Variants in IL31RA observed in about 807,000 individuals in gnomAD.
The protein encoded by IL31RA is interleukin 31 receptor A, also known as interleukin-31 receptor subunit alpha.
In IL31RA, 66 loss-of-function variants were observed where a neutral mutation model predicts 83.7. The ratio of observed to expected loss-of-function variants is 0.79; its 90% CI spans 0.65 to 0.97. The LOEUF is 0.97. Among genes scored for constraint, IL31RA ranks in the 50% least tolerant of loss-of-function variants. The pLI is 0.00. For synonymous variants in IL31RA, 325 were observed against 329.0 expected (o/e 0.99, Z 0.13); for missense variants, 798 against 919.4 (o/e 0.87, Z 1.71).
intron 11 of IL31RA, among the ~76,000 whole-genome samples, chr5:55,909,321 G>A (rs1216270895): frequency 6.6e-6 from 1 of 152,100 alleles, no homozygotes; most frequent in Admixed American, 6.5e-5. Flanking sequence ...CAACCTTTAG[G>A]CTATTGTGAA....
chr5:55,916,553 G>C, intron 14 of IL31RA, 91 bp from the exon 15 acceptor site: 1 of 1,058,868 alleles, frequency 9.4e-7, no homozygotes. Context: ...TTCCAGAGAT[G>C]GGCATTTGCT....
chr5:55,883,434 A>G (rs1403828889), intron 5 of IL31RA, among the ~76,000 whole-genome samples: 1 of 152,106 alleles, frequency 6.6e-6, no homozygotes, highest in East Asian at 1.9e-4. Flanking sequence ...AGAGTGAGAA[A>G]TTTACTTCTG....
intron 4 of IL31RA, among the ~76,000 whole-genome samples, chr5:55,874,848 T>C (rs1253284203): frequency 1.3e-5 from 2 of 152,182 alleles, no homozygotes; most frequent in African/African-American, 4.8e-5. Context: ...CTTTATGATC[T>C]GGATACGTTT....
intron 7 of IL31RA, 119 bp downstream of exon 7, chr5:55,896,548 TCC>T (rs1748359034): frequency 2.2e-6 from 1 of 463,076 alleles, no homozygotes; most frequent in African/African-American, 4.1e-5. Flanking sequence ...TCCCTTCCCT[TCC>T]CTCCCCTCCC....
chr5:55,856,724 GCTGCC>G (rs1309434302), intron 1 of IL31RA, among the ~76,000 whole-genome samples: 1 of 152,142 alleles, frequency 6.6e-6, no homozygotes, highest in African/African-American at 2.4e-5. Flanking sequence ...AGGTCTTGTG[GCTGCC>G]CTGTCAGAGT....
Position 55,908,453 on chromosome 5 carries a change from C to T in IL31RA, c.1501+42C>T, listed in dbSNP as rs1399935021. On this transcript the variant is annotated intron_variant, in intron 11 of 14. Transcript: ENST00000652347. ...CGAAGTGGAAAAAAACCCCAAGCCC[C>T]AGATAGATGCTATGGATAGACCTGT... 3.7e-6 allele frequency: 6 copies of T among 1,614,090 alleles called. No homozygotes were observed. The African/African-American group carries it at 8.0e-5, about 22-fold the overall frequency.
intron 5 of IL31RA, among the ~76,000 whole-genome samples, chr5:55,887,596 G>T (rs1242277681): frequency 6.6e-6 from 1 of 151,408 alleles, no homozygotes. Context: ...AAAAAAATTA[G>T]CCGGGAATGG....
Position 55,910,841 on chromosome 5 carries a change from G to A in IL31RA, c.1642+169G>A, listed in dbSNP as rs556288032. Among the ~76,000 whole-genome samples, 4 of 152,322 alleles carry A rather than the reference G, an allele frequency of 2.6e-5. No individual in the cohort carries two copies. In the East Asian group the frequency reaches 7.7e-4, roughly 29 times the overall value. Reference sequence around the variant, plus strand: ...TTCCTGGAAAGCATATAGGTGAGGAGATGGGAGGGAAGAGCAGGCAAGTTG... The same window carrying A: ...TTCCTGGAAAGCATATAGGTGAGGAAATGGGAGGGAAGAGCAGGCAAGTTG... On this transcript the variant is annotated intron_variant, in intron 12 of 14. Coordinates refer to ENST00000652347, the MANE Select transcript of IL31RA (RefSeq NM_139017.7).
chr5:55,918,528 C>T lies in IL31RA; in HGVS notation c.*1408C>T, dbSNP rs981821593. On this transcript the variant is annotated 3_prime_UTR_variant, in exon 15 of 15. Transcript: ENST00000652347. ...ATTTGGGGTTTTGCCCTCCCCTGTC[C>T]TGCCTGGGACTGGCTCTGAGTGCCG... Among the ~76,000 whole-genome samples the T allele has an allele frequency of 3.9e-5, 6 of 152,162 alleles. No homozygotes were observed. The highest frequency in any genetic ancestry group is 1.4e-4 in the African/African-American group (6 of 41,426).
chr5:55,850,064 T>C (rs889301934), upstream of IL31RA, among the ~76,000 whole-genome samples: 1 of 152,194 alleles, frequency 6.6e-6, no homozygotes, highest in African/African-American at 2.4e-5. Flanking sequence ...CTTTCTAACT[T>C]CTGGTTTTGT....
upstream of IL31RA, among the ~76,000 whole-genome samples, chr5:55,847,639 C>T (rs564795641): frequency 3.9e-5 from 6 of 152,270 alleles, no homozygotes; most frequent in African/African-American, 1.4e-4. Flanking sequence ...TACTGTTTTC[C>T]CCATTGGCAA....
At position 55,868,872 on chromosome 5, in the gene IL31RA, A is replaced by G. The variant is rs753593195; in HGVS notation, c.236A>G (p.Glu79Gly). The G allele has an allele frequency of 2.0e-5, 32 of 1,600,452 alleles. No individual in the cohort carries two copies. The highest frequency in any genetic ancestry group is 1.5e-4 in the Admixed American group (9 of 59,998). ...ACCTGCACTTGGAGTCCAGGAAAGG[A>G]AACCAGTTATACCCAGTACACAGTT... ...NLTCTWSPGK[E>G]TSYTQYTVKR... Residue 79 changes from glutamate (E) to glycine (G), a missense_variant, in exon 3 of 15, where the codon GAA becomes GGA. By Grantham distance (98) the Glu-to-Gly change is moderately conservative. Coordinates refer to ENST00000652347, the MANE Select transcript of IL31RA (RefSeq NM_139017.7).
In IL31RA at chr5:55,917,105, C is replaced by A; in HGVS notation, c.2280C>A (p.Thr760=). The change falls in exon 15 of 15, where the codon ACC becomes ACA. Residue 760 remains threonine (T), a synonymous_variant. Coordinates refer to ENST00000652347, the MANE Select transcript of IL31RA (RefSeq NM_139017.7). ...TGTCTGAAAAACTTCCAGAGCACAC[C>A]AAGGGAGAAGTCTAAATGCGACCAT... is the stretch of plus-strand genomic sequence containing the variant. ...FLVSEKLPEH[T]KGEV The A allele has an allele frequency of 6.2e-7, 1 of 1,614,110 alleles. No individual in the cohort carries two copies.
chr5:55,868,662 A>C (rs941897062), intron 2 of IL31RA, 129 bp from the exon 3 acceptor site: 4 of 755,220 alleles, frequency 5.3e-6, no homozygotes, highest in Non-Finnish European at 9.7e-6. Context: ...GCTAGGTTAC[A>C]CCTAGCAACT....
chr5:55,867,244 TTTG>T (rs1561543508), intron 2 of IL31RA, among the ~76,000 whole-genome samples: 9 of 93,862 alleles, frequency 9.6e-5, no homozygotes, highest in Non-Finnish European at 1.7e-4. Flanking sequence ...TGTGTGTGTG[TTTG>T]TGTGTGCGTG....
rs776220177 is a variant in IL31RA at position 55,903,750 on chromosome 5, TGAG to T, written c.1070-2353_1070-2351del. On this transcript the variant is annotated intron_variant, in intron 8 of 14. Transcript: ENST00000652347. The surrounding 1 kb of genome is among the most constrained non-coding windows in gnomAD (Gnocchi z 4.7). ...TTTTAAAAAAGTGCCTCCAGGGAGA[TGAG>T]GAAGCTGCAGAAGCAGGCCAGGACA... Among the ~76,000 whole-genome samples the T allele has an allele frequency of 2.0e-5, 3 of 152,116 alleles. No individual in the cohort carries two copies. The highest frequency in any genetic ancestry group is 4.4e-5 in the Non-Finnish European group (3 of 67,998).
chr5:55,842,739 T>C, the IL31RA span, among the ~76,000 whole-genome samples: 2 of 152,352 alleles, frequency 1.3e-5, no homozygotes, highest in Middle Eastern at 6.8e-3. Context: ...GGCCTGTTCT[T>C]TACTCAGTTT....
chr5:55,841,890 C>G, the IL31RA span, among the ~76,000 whole-genome samples: 1 of 151,682 alleles, frequency 6.6e-6, no homozygotes, highest in Non-Finnish European at 1.5e-5. Flanking sequence ...AAGATGTCAG[C>G]AGTGTTCCTT....
chr5:55,913,150 G>C (rs1244906801), intron 12 of IL31RA, among the ~76,000 whole-genome samples: 10 of 152,030 alleles, frequency 6.6e-5, no homozygotes, highest in African/African-American at 2.4e-4. Context: ...GAGTGCAACA[G>C]CATGATCAGC....
Sources: gnomAD v4.1 joint callset for allele counts (sites outside exome capture counted in the v4.1 genomes callset) on GRCh38, gnomAD v4.1.1 for gene constraint, Gnocchi (gnomAD v3.1) non-coding constraint, MANE v1.5 for transcripts, NCBI Gene and HGNC (gene_info 2026-07-23, HGNC 2026-07-21) for gene names.